The following NRCAM variants were observed in gnomAD, a reference collection of about 807,000 sequenced individuals.
The protein encoded by NRCAM is neuronal cell adhesion molecule.
Under a neutral mutation model 156.5 loss-of-function variants are expected in NRCAM, and 83 were observed. The observed-to-expected ratio is 0.53, with a 90% confidence interval of 0.44 to 0.64. The LOEUF (loss-of-function observed/expected upper bound fraction) is 0.64, where lower values mean the gene tolerates loss of function less well. Ranked by LOEUF, NRCAM falls within the 30% of genes least tolerant of loss-of-function variation. The probability of loss-of-function intolerance (pLI) is 0.00; values close to 1 mark genes in which losing one functional copy is unlikely to be tolerated. For synonymous variants in NRCAM, 538 were observed against 563.9 expected, an observed-to-expected ratio of 0.95 and a Z score of 0.65; for missense variants, 1,417 against 1,597.3, an observed-to-expected ratio of 0.89 and a Z score of 1.92.
rs555353711 is a variant in NRCAM, at chr7:108,437,487, T to C, written c.-332+18756A>G. ...ATGCTTGAGGGGACAGATGTTCCAT[T>C]TTTCATGATAAGATTATTACACATT... On this transcript the variant is annotated intron_variant, in intron 1 of 32. Transcript: ENST00000379028. 2.6e-4 allele frequency among the ~76,000 whole-genome samples: 39 copies of C among 152,308 alleles called. No homozygotes were observed. The South Asian group carries it at 3.7e-3, about 15-fold the overall frequency.
At chr7:108,411,134 A>C (rs1794872507) in intron 1 of NRCAM, among the ~76,000 whole-genome samples, 1 of 152,210 alleles carries the variant, frequency 6.6e-6, no homozygotes, top group Non-Finnish European at 1.5e-5. Flanking sequence ...TCTTCAATTC[A>C]TAAAAATAAT....
Position 108,406,976 on chromosome 7 carries a change from G to C in NRCAM, c.-331-7383C>G, listed in dbSNP as rs529698277. ...TTTTAGGTGGGGAATTTCTGCAGCT[G>C]ATGTTTAATAATATTTATTCTTTCT... is the stretch of plus-strand genomic sequence containing the variant. On this transcript the variant is annotated intron_variant, in intron 1 of 32. Transcript: ENST00000379028. Among the ~76,000 whole-genome samples the C allele has an allele frequency of 1.5e-4, 23 of 152,218 alleles. No homozygotes were observed. In the South Asian group the frequency reaches 4.6e-3, roughly 30 times the overall value.
chr7:108,394,791 A>C (rs1001390115), intron 2 of NRCAM, among the ~76,000 whole-genome samples: 5 of 152,296 alleles, frequency 3.3e-5, no homozygotes, highest in South Asian at 4.1e-4. Context: ...CTGCATCCTC[A>C]ATCTTTTTTT....
chr7:108,183,802 TG>T (rs1459525222), intron 22 of NRCAM, among the ~76,000 whole-genome samples: 4 of 152,208 alleles, frequency 2.6e-5, no homozygotes, highest in Non-Finnish European at 5.9e-5. Context: ...CCCAAAGTGC[TG>T]GGATTATAGG....
chr7:108,253,240 C>G (rs753915273), intron 3 of NRCAM, among the ~76,000 whole-genome samples: 7 of 152,142 alleles, frequency 4.6e-5, no homozygotes, highest in Non-Finnish European at 1.0e-4. Context: ...TGGGAGCAGG[C>G]AGTGAGCTGT....
intron 2 of NRCAM, among the ~76,000 whole-genome samples, chr7:108,329,327 C>T (rs910455444): frequency 4.6e-5 from 7 of 152,144 alleles, no homozygotes; most frequent in Non-Finnish European, 1.0e-4. Context: ...CATGATAAGA[C>T]CTTTAAAAAG....
At chr7:108,328,915 T>G (rs2099098947) in intron 2 of NRCAM, among the ~76,000 whole-genome samples, 1 of 152,200 alleles carries the variant, frequency 6.6e-6, no homozygotes, top group African/African-American at 2.4e-5. Flanking sequence ...ACACAATAAC[T>G]GCTGAGACTG....
At chr7:108,249,774 TG>T (rs1303581047) in intron 3 of NRCAM, among the ~76,000 whole-genome samples, 7 of 152,280 alleles carry the variant, frequency 4.6e-5, no homozygotes, top group Non-Finnish European at 7.3e-5. Flanking sequence ...TGCTCAATTC[TG>T]CTGTCTATGA....
chr7:108,255,983 GCTGCC>G (rs2096633046), intron 3 of NRCAM, among the ~76,000 whole-genome samples: 1 of 147,936 alleles, frequency 6.8e-6, no homozygotes, highest in Non-Finnish European at 1.5e-5. Context: ...CGCCCGGCCA[GCTGCC>G]CCGTCCGGGA....
chr7:108,227,171 C>G (rs546788297), intron 8 of NRCAM, among the ~76,000 whole-genome samples: 1 of 152,176 alleles, frequency 6.6e-6, no homozygotes, highest in Non-Finnish European at 1.5e-5. Context: ...CAGTGCCTGG[C>G]CCTTCACGGG....
At chr7:108,234,042 C>G (rs563449444) in intron 6 of NRCAM, among the ~76,000 whole-genome samples, 3 of 152,248 alleles carry the variant, frequency 2.0e-5, no homozygotes, top group African/African-American at 7.2e-5. Context: ...TGAACTCTGC[C>G]AAGTTTGGAA....
At chr7:108,156,986 G>A (rs1402935035) in intron 32 of NRCAM, among the ~76,000 whole-genome samples, 2 of 152,072 alleles carry the variant, frequency 1.3e-5, no homozygotes, top group African/African-American at 2.4e-5. Context: ...GTAGTGTCAG[G>A]AAATCAAAGG....
At chr7:108,336,920 G>A (rs1368619783) in intron 2 of NRCAM, among the ~76,000 whole-genome samples, 1 of 152,080 alleles carries the variant, frequency 6.6e-6, no homozygotes, top group African/African-American at 2.4e-5. Context: ...ATAAGTTATT[G>A]ATAAGAGCAA....
At chr7:108,178,329 C>A (rs1409839052) in intron 25 of NRCAM, 2 of 510,938 alleles carry the variant, frequency 3.9e-6, no homozygotes, top group African/African-American at 1.9e-5. Flanking sequence ...TTTAATAAAA[C>A]CATCCTCTCA....
intron 2 of NRCAM, among the ~76,000 whole-genome samples, chr7:108,381,983 T>C (rs553944421): frequency 2.0e-5 from 3 of 152,194 alleles, no homozygotes; most frequent in Non-Finnish European, 2.9e-5. Flanking sequence ...TGGACTGTTA[T>C]GCAACAATCA....
intron 2 of NRCAM, among the ~76,000 whole-genome samples, chr7:108,387,895 T>G (rs543779035): frequency 6.6e-6 from 1 of 152,318 alleles, no homozygotes; most frequent in East Asian, 1.9e-4. Flanking sequence ...AACTCATCCT[T>G]TTTTATGGCT....
intron 1 of NRCAM, among the ~76,000 whole-genome samples, chr7:108,416,610 T>C (rs1258020093): frequency 1.3e-5 from 2 of 152,070 alleles, no homozygotes; most frequent in East Asian, 1.9e-4. Flanking sequence ...CTTCCTTAAC[T>C]AGACAGACTA....
chr7:108,402,952 C>G (rs557269837), intron 1 of NRCAM, among the ~76,000 whole-genome samples: 1 of 130,876 alleles, frequency 7.6e-6, no homozygotes, highest in Non-Finnish European at 1.9e-5. Context: ...AAAGACCATA[C>G]GAGAGAGCAT....
In NRCAM at chr7:108,277,159, C is replaced by T. The variant is rs182734421; in HGVS notation, c.-107+35506G>A. Among the ~76,000 whole-genome samples the T allele has an allele frequency of 1.7e-3, 257 of 152,272 alleles. 2 individuals carry two copies. Among genetic ancestry groups the T allele is most frequent in the African/African-American group, 5.9e-3 (246 of 41,550 alleles). On this transcript the variant is annotated intron_variant, in intron 3 of 32. Coordinates refer to ENST00000379028, the MANE Select transcript of NRCAM (RefSeq NM_001037132.4). ...GTAACCCGACCTTTCTCTCTGGCTG[C>T]CCTTAACATTTTTTCCTTCATTTCA...
Sources: allele counts gnomAD v4.1 joint callset (sites outside exome capture counted in the v4.1 genomes callset), GRCh38; gene constraint gnomAD v4.1.1; transcripts MANE v1.5; gene names NCBI Gene and HGNC (gene_info 2026-07-23, HGNC 2026-07-21).